RYR2: variants seen among roughly 807,000 people sequenced by gnomAD.
The protein encoded by RYR2 is ryanodine receptor 2, also known as cardiac muscle ryanodine receptor-calcium release channel.
Under a neutral mutation model 601.1 loss-of-function variants are expected in RYR2, and 227 were observed. The ratio of observed to expected loss-of-function variants is 0.38; its 90% CI spans 0.34 to 0.42. RYR2 has a LOEUF of 0.42. Among genes scored for constraint, RYR2 ranks in the 10% least tolerant of loss-of-function variants. The pLI, the probability that RYR2 is intolerant of heterozygous loss-of-function variation, is 1.00. For missense variants in RYR2, 4,646 were observed against 6,156.5 expected (o/e 0.75, Z 8.21); for synonymous variants, 2,223 against 2,175.1 (o/e 1.02, Z -0.61).
At chr1:237,071,889 G>A (rs1572530668) in intron 1 of RYR2, among the ~76,000 whole-genome samples, 1 of 152,226 alleles carries the variant, frequency 6.6e-6, no homozygotes, top group African/African-American at 2.4e-5. Flanking sequence ...AGGCGGCGGG[G>A]GTGCTGGTGT....
intron 10 of RYR2, among the ~76,000 whole-genome samples, chr1:237,395,235 G>C (rs1702719580): frequency 6.6e-6 from 1 of 152,138 alleles, no homozygotes; most frequent in Non-Finnish European, 1.5e-5. Flanking sequence ...AACTTAGATG[G>C]TAGAAAACAT....
chr1:237,688,400 G>T (rs1382529718), intron 63 of RYR2, among the ~76,000 whole-genome samples: 1 of 151,178 alleles, frequency 6.6e-6, no homozygotes, highest in African/African-American at 2.4e-5. Flanking sequence ...TGAGGAACGG[G>T]TATATATATA....
chr1:237,482,894 G>A (rs1662272953), intron 17 of RYR2, among the ~76,000 whole-genome samples: 1 of 152,092 alleles, frequency 6.6e-6, no homozygotes, highest in Non-Finnish European at 1.5e-5. Flanking sequence ...GTAAGCCATT[G>A]TAACTGGAGT....
chr1:237,075,031 T>C (rs1474852370), intron 1 of RYR2, among the ~76,000 whole-genome samples: 1 of 152,100 alleles, frequency 6.6e-6, no homozygotes, highest in Non-Finnish European at 1.5e-5. Context: ...AGTCACCCCA[T>C]GTTTAGGAGG....
intron 14 of RYR2, among the ~76,000 whole-genome samples, chr1:237,449,800 T>C (rs899830954): frequency 7.2e-5 from 11 of 152,076 alleles, no homozygotes; most frequent in Admixed American, 2.0e-4. Context: ...TCCCTATTGA[T>C]GATTGTATTT....
intron 1 of RYR2, among the ~76,000 whole-genome samples, chr1:237,099,384 C>T (rs1193505699): frequency 6.6e-6 from 1 of 152,112 alleles, no homozygotes; most frequent in Non-Finnish European, 1.5e-5. Context: ...ACCATAAGTG[C>T]ACACCACCAT....
chr1:237,092,514 C>CT (rs11324799), intron 1 of RYR2, among the ~76,000 whole-genome samples: 1,359 of 128,032 alleles, frequency 0.011, 15 homozygotes, highest in African/African-American at 0.033. Context: ...CACAGATAGT[C>CT]TTTTTTTTTT....
At position 237,808,835 on chromosome 1, in the gene RYR2, A is replaced by G. The variant is rs980978972; in HGVS notation, c.14299-66A>G. 3.0e-5 allele frequency: 46 copies of G among 1,515,472 alleles called. 1 individual carries two copies. In the Admixed American group the frequency reaches 5.7e-4, roughly 19 times the overall value. The allele number at this position is 1,515,472 out of a possible 1,614,324, so 93.9% of individuals were successfully genotyped here. On this transcript the variant is annotated intron_variant, in intron 99 of 104. Transcript: ENST00000366574. ...TCACTAGAGCACTCGCCGCCCATGTAGATGTCACGTGTCAATTGTATGTCC... is the reference window on the plus strand; with the variant it reads ...TCACTAGAGCACTCGCCGCCCATGTGGATGTCACGTGTCAATTGTATGTCC...
chr1:237,094,332 C>A (rs1667275120), intron 1 of RYR2, among the ~76,000 whole-genome samples: 1 of 152,196 alleles, frequency 6.6e-6, no homozygotes, highest in South Asian at 2.1e-4. Flanking sequence ...TCTGTAGGAT[C>A]TGTAAATGCT....
chr1:237,832,835 T>TAAAG lies in RYR2; in HGVS notation c.*190_*193dup, dbSNP rs1663959013. 1 of 498,222 alleles carries TAAAG rather than the reference T, an allele frequency of 2.0e-6. No individual in the cohort carries two copies. Among genetic ancestry groups the TAAAG allele is most frequent in the Admixed American group, 3.5e-5 (1 of 28,230 alleles). The allele number at this position is 498,222 out of a possible 1,614,324, so 30.9% of individuals were successfully genotyped here. On this transcript the variant is annotated 3_prime_UTR_variant, in exon 105 of 105. Transcript: ENST00000366574. Reference sequence around the variant, plus strand: ...CCACCTTTTGTATTTACTTTGAGACTAAAGACTGAAGAATAATCTAAATTC... The same window carrying TAAAG: ...CCACCTTTTGTATTTACTTTGAGACTAAAGAAAGACTGAAGAATAATCTAAATTC...
intron 1 of RYR2, among the ~76,000 whole-genome samples, chr1:237,200,731 TA>T (rs1681099749): frequency 1.3e-5 from 2 of 152,186 alleles, no homozygotes; most frequent in African/African-American, 4.8e-5. Context: ...TCTGGCCAAA[TA>T]AGAGACAGAA....
rs141885443 is a variant in RYR2 at position 237,167,364 on chromosome 1, A to G, written c.49-103133A>G. ...TAGATAGAGCGATAGTTATCACATC[A>G]AATAGAGTAACGGTCCCACTCTTCT... is the stretch of plus-strand genomic sequence containing the variant. On this transcript the variant is annotated intron_variant, in intron 1 of 104. Coordinates refer to ENST00000366574, the MANE Select transcript of RYR2 (RefSeq NM_001035.3). 4.8e-3 allele frequency among the ~76,000 whole-genome samples: 738 copies of G among 152,342 alleles called. 4 individuals carry two copies. The highest frequency in any genetic ancestry group is 7.3e-3 in the Admixed American group (111 of 15,302).
chr1:237,125,371 C>T (rs1671294474), intron 1 of RYR2, among the ~76,000 whole-genome samples: 1 of 150,926 alleles, frequency 6.6e-6, no homozygotes, highest in Non-Finnish European at 1.5e-5. Flanking sequence ...GACTCTCATC[C>T]ACAGAGGGGA....
intron 41 of RYR2, among the ~76,000 whole-genome samples, chr1:237,631,143 A>G (rs1680202728): frequency 6.6e-6 from 1 of 152,212 alleles, no homozygotes; most frequent in Non-Finnish European, 1.5e-5. Flanking sequence ...GATATCCATA[A>G]AATTAGGAAT....
intron 101 of RYR2, among the ~76,000 whole-genome samples, chr1:237,827,627 CAAAAAAAAA>C (rs55896893): frequency 1.3e-5 from 1 of 79,446 alleles, no homozygotes; most frequent in Non-Finnish European, 2.5e-5. Context: ...AAGACTGTCT[CAAAAAAAAA>C]AAAAAAAAAA....
intron 2 of RYR2, among the ~76,000 whole-genome samples, chr1:237,289,057 C>T (rs772300597): frequency 1.7e-4 from 26 of 152,230 alleles, no homozygotes; most frequent in African/African-American, 4.1e-4. Context: ...AAACTTTTCA[C>T]GCAAACAGAC....
chr1:237,208,958 A>ATATATATATATATGTG (rs1682164888), intron 1 of RYR2, among the ~76,000 whole-genome samples: 1 of 99,958 alleles, frequency 1.0e-5, no homozygotes, highest in Admixed American at 1.1e-4. Context: ...ATATATATAT[A>ATATATATATATATGTG]TATATATATA....
At chr1:237,829,466 C>T (rs1164419059) in intron 102 of RYR2, among the ~76,000 whole-genome samples, 2 of 152,192 alleles carry the variant, frequency 1.3e-5, no homozygotes, top group Non-Finnish European at 2.9e-5. Context: ...ATCCAGGCTT[C>T]AGGCATTAGC....
At chr1:237,494,844 G>A (rs1663862574) in intron 19 of RYR2, among the ~76,000 whole-genome samples, 1 of 152,150 alleles carries the variant, frequency 6.6e-6, no homozygotes, top group Non-Finnish European at 1.5e-5. Flanking sequence ...AGGCTGGAGT[G>A]AAGTGGCATG....
Sources: allele counts gnomAD v4.1 joint callset (sites outside exome capture counted in the v4.1 genomes callset), GRCh38; gene constraint gnomAD v4.1.1; transcripts MANE v1.5; gene names NCBI Gene and HGNC (gene_info 2026-07-23, HGNC 2026-07-21).